REDIC1: variants seen among roughly 807,000 people sequenced by gnomAD.
REDIC1 encodes HEI10 Interacting Protein 1.
At chr12:39,853,116 G>T in the REDIC1 span, among the ~76,000 whole-genome samples, 2 of 152,090 alleles carry the variant, frequency 1.3e-5, no homozygotes, top group African/African-American at 2.4e-5. Flanking sequence ...CCAAGAACCT[G>T]GACAACTCAT....
At chr12:39,712,687 A>T in the REDIC1 span, among the ~76,000 whole-genome samples, 1 of 141,620 alleles carries the variant, frequency 7.1e-6, no homozygotes, top group Admixed American at 7.1e-5. Flanking sequence ...ATATGTATAT[A>T]TACGTATACG....
the REDIC1 span, among the ~76,000 whole-genome samples, chr12:39,852,401 C>T: frequency 6.6e-6 from 1 of 152,118 alleles, no homozygotes; most frequent in African/African-American, 2.4e-5. Context: ...AAAGTGCTTA[C>T]AAAATTCCTG....
the REDIC1 span, among the ~76,000 whole-genome samples, chr12:39,894,284 A>G: frequency 2.0e-5 from 3 of 152,214 alleles, no homozygotes; most frequent in Non-Finnish European, 2.9e-5. Flanking sequence ...TATGTTGCTT[A>G]ATTCTAATTC....
At chr12:39,646,529 C>G in the REDIC1 span, 2 of 1,410,006 alleles carry the variant, frequency 1.4e-6, no homozygotes, top group Non-Finnish European at 1.9e-6. Flanking sequence ...TTTACTCACT[C>G]GAAAATGTAT....
At chr12:39,626,252 G>GA in the REDIC1 span, 3 of 1,507,012 alleles carry the variant, frequency 2.0e-6, no homozygotes, top group Admixed American at 3.5e-5. Context: ...GGCCCTGGGG[G>GA]ATCCTGCTGA....
At chr12:39,884,446 C>T in the REDIC1 span, among the ~76,000 whole-genome samples, 6 of 152,184 alleles carry the variant, frequency 3.9e-5, no homozygotes, top group Non-Finnish European at 7.3e-5. Flanking sequence ...AAATAAGTCA[C>T]AGTAATAAAT....
chr12:39,691,482 A>G, the REDIC1 span, among the ~76,000 whole-genome samples: 4 of 152,208 alleles, frequency 2.6e-5, no homozygotes, highest in Admixed American at 6.5e-5. Flanking sequence ...AAAATTTGAT[A>G]AAATTGAAAT....
the REDIC1 span, among the ~76,000 whole-genome samples, chr12:39,852,058 A>T: frequency 6.6e-6 from 1 of 152,216 alleles, no homozygotes; most frequent in Non-Finnish European, 1.5e-5. Flanking sequence ...TTTAGAAAGG[A>T]CTAAAACACA....
chr12:39,686,155 C>A, the REDIC1 span, among the ~76,000 whole-genome samples: 1 of 152,136 alleles, frequency 6.6e-6, no homozygotes, highest in Non-Finnish European at 1.5e-5. Context: ...TGAAGGATGG[C>A]GGTCTTCTTC....
chr12:39,872,566 C>A, the REDIC1 span, among the ~76,000 whole-genome samples: 1 of 152,298 alleles, frequency 6.6e-6, no homozygotes, highest in East Asian at 1.9e-4. Flanking sequence ...AAGTCTCTAG[C>A]ATGATTAAGC....
At chr12:39,794,607 G>A in the REDIC1 span, among the ~76,000 whole-genome samples, 1 of 152,272 alleles carries the variant, frequency 6.6e-6, no homozygotes, top group Admixed American at 6.5e-5. Context: ...GGCAAAGGCA[G>A]AGCTGTAACC....
chr12:39,744,569 C>G, the REDIC1 span, among the ~76,000 whole-genome samples: 1 of 152,108 alleles, frequency 6.6e-6, no homozygotes, highest in African/African-American at 2.4e-5. Context: ...TAGCGTAAGG[C>G]ACTTGCAGTA....
chr12:39,659,887 A>G, the REDIC1 span, among the ~76,000 whole-genome samples: 1 of 152,036 alleles, frequency 6.6e-6, no homozygotes, highest in Admixed American at 6.6e-5. Flanking sequence ...TGGAAACACT[A>G]TGGTACTTGG....
chr12:39,721,900 GATTT>G, the REDIC1 span: 1 of 151,970 alleles, frequency 6.6e-6, no homozygotes, highest in African/African-American at 2.4e-5. Context: ...ATTAAAAAAT[GATTT>G]ATGTTACTAA....
At chr12:39,784,462 C>G in the REDIC1 span, among the ~76,000 whole-genome samples, 1 of 152,146 alleles carries the variant, frequency 6.6e-6, no homozygotes, top group Non-Finnish European at 1.5e-5. Context: ...CTGACGAAAG[C>G]AAGAAATGGG....
the REDIC1 span, chr12:39,682,753 G>T: frequency 6.2e-7 from 1 of 1,613,242 alleles, no homozygotes; most frequent in African/African-American, 1.3e-5. Context: ...TGGAAAGGAA[G>T]TTTCAAATTT....
At chr12:39,657,700 C>A in the REDIC1 span, among the ~76,000 whole-genome samples, 3 of 152,212 alleles carry the variant, frequency 2.0e-5, no homozygotes, top group East Asian at 3.9e-4. Context: ...TGTTTGAAAT[C>A]TTTACCATCT....
the REDIC1 span, among the ~76,000 whole-genome samples, chr12:39,809,086 A>AG: frequency 0.01 from 1,597 of 152,240 alleles, 24 homozygotes; most frequent in African/African-American, 0.035. Context: ...TTTTGTGTTT[A>AG]GGGTGTAAGA....
chr12:39,633,668 G>A, the REDIC1 span, among the ~76,000 whole-genome samples: 23 of 152,104 alleles, frequency 1.5e-4, no homozygotes, highest in African/African-American at 5.3e-4. Context: ...CAACATGTTA[G>A]TAATGTTTGC....
Sources: allele counts gnomAD v4.1 joint callset (sites outside exome capture counted in the v4.1 genomes callset), GRCh38; gene constraint gnomAD v4.1.1; transcripts MANE v1.5; gene names NCBI Gene and HGNC (gene_info 2026-07-23, HGNC 2026-07-21).